Variants in NGLY1 observed in about 807,000 individuals in gnomAD.
NGLY1 encodes the protein N-glycanase 1, also known as peptide-N(4)-(N-acetyl-beta-glucosaminyl)asparagine amidase.
NGLY1 carries 68 observed loss-of-function variants against 84.6 expected under a neutral mutation model. The observed-to-expected ratio is 0.80, with a 90% CI of 0.66 to 0.98. The LOEUF is 0.98. Among genes scored for constraint, NGLY1 ranks in the 50% least tolerant of loss-of-function variants. The pLI is 0.00. For synonymous variants in NGLY1, 280 were observed against 275.2 expected (o/e 1.02, Z -0.17); for missense variants, 779 against 770.2 (o/e 1.01, Z -0.14).
chr3:25,760,441 G>T (rs1029112305), intron 3 of NGLY1, among the ~76,000 whole-genome samples: 6 of 152,150 alleles, frequency 3.9e-5, no homozygotes, highest in African/African-American at 1.4e-4. Context: ...TAAGTATGCT[G>T]ATATAAGGAC....
Position 25,751,269 on chromosome 3 carries a change from A to AC in NGLY1, c.493-7_493-6insG. The stretch of plus-strand genomic sequence containing the variant: ...ATGGCTGAGTCAGCAGCAACCTAAT[A>AC]GGAAAAAAAAAAACTGAAATTAACT... On this transcript the variant is annotated splice_region_variant and splice_polypyrimidine_tract_variant and intron_variant, in intron 3 of 11. Transcript: ENST00000280700. 1 of 1,517,566 alleles carries AC rather than the reference A, an allele frequency of 6.6e-7. No homozygotes were observed. Among genetic ancestry groups the AC allele is most frequent in the Non-Finnish European group, 8.8e-7 (1 of 1,135,680 alleles). The allele number at this position is 1,517,566 out of a possible 1,614,324, so 94.0% of individuals were successfully genotyped here. A position where few individuals can be genotyped will look rare whatever the true frequency, so the allele number is the denominator to read the frequency against.
rs372470348 is a variant in NGLY1, at chr3:25,738,755, A to G, written c.881+822T>C. Among the ~76,000 whole-genome samples the G allele has an allele frequency of 1.3e-4, 19 of 151,984 alleles. No homozygotes were observed. In the South Asian group the frequency reaches 1.7e-3, roughly 13 times the overall value. Reference sequence around the variant, plus strand: ...GCAATCCTCCTGCCTCAGCCTCCCCATATAGAGAAGAGCTAGAGGTTAAAA... The same window carrying G: ...GCAATCCTCCTGCCTCAGCCTCCCCGTATAGAGAAGAGCTAGAGGTTAAAA... On this transcript the variant is annotated intron_variant, in intron 5 of 11. Transcript: ENST00000280700.
At position 25,732,496 on chromosome 3, in the gene NGLY1, T is replaced by G; in HGVS notation, c.1261-13A>C. 3 of 1,606,610 alleles carry G rather than the reference T, an allele frequency of 1.9e-6. No individual in the cohort carries two copies. The highest frequency in any genetic ancestry group is 2.5e-6 in the Non-Finnish European group (3 of 1,176,612). On this transcript the variant is annotated splice_polypyrimidine_tract_variant and intron_variant, in intron 8 of 11. Coordinates refer to ENST00000280700, the MANE Select transcript of NGLY1 (RefSeq NM_018297.4). ...AAAACAGTTGCCTCTGTAATTCATG[T>G]TTTTTAAAAAAGTTGTTAAGATTAG...
chr3:25,750,325 G>A (rs1447203567), intron 4 of NGLY1, among the ~76,000 whole-genome samples: 1 of 152,146 alleles, frequency 6.6e-6, no homozygotes, highest in Non-Finnish European at 1.5e-5. Context: ...TGAGATTTGG[G>A]TGGGGACACA....
chr3:25,740,127 G>C (rs932262276), intron 4 of NGLY1, among the ~76,000 whole-genome samples: 1 of 152,080 alleles, frequency 6.6e-6, no homozygotes, highest in African/African-American at 2.4e-5. Flanking sequence ...AAGGGAGGTA[G>C]AAAAATAAAT....
At chr3:25,773,569 C>T (rs1224370132) in intron 2 of NGLY1, among the ~76,000 whole-genome samples, 3 of 152,034 alleles carry the variant, frequency 2.0e-5, no homozygotes, top group Non-Finnish European at 4.4e-5. Context: ...TCTCTGGTGT[C>T]TCCTTAAGTA....
chr3:25,765,778 C>A (rs1164327961), intron 2 of NGLY1, among the ~76,000 whole-genome samples: 1 of 152,098 alleles, frequency 6.6e-6, no homozygotes, highest in African/African-American at 2.4e-5. Flanking sequence ...CCTCTGTCAC[C>A]CAGGCTGGAG....
rs1427168166 is a variant in NGLY1 at position 25,783,426 on chromosome 3, C to T, written c.-36G>A. On this transcript the variant is annotated 5_prime_UTR_variant, in exon 1 of 12. Transcript: ENST00000280700. The surrounding 1 kb of genome is among the most constrained non-coding windows in gnomAD (Gnocchi z 4.5). ...CAGCGGGCGCCGCCGCCGCCCCTCG[C>T]TCTCCGCGTCCCACACTGAGCAGGC... The T allele has an allele frequency of 2.0e-6, 3 of 1,515,110 alleles. No homozygotes were observed. The highest frequency in any genetic ancestry group is 1.2e-5 in the South Asian group (1 of 81,820). The allele number at this position is 1,515,110 out of a possible 1,614,324, so 93.9% of individuals were successfully genotyped here.
chr3:25,729,228 G>A lies in NGLY1; in HGVS notation c.1516C>T (p.Arg506Ter), dbSNP rs748353137. The A allele has an allele frequency of 5.8e-6, 9 of 1,557,622 alleles. No homozygotes were observed. In the East Asian group the frequency reaches 7.1e-5, roughly 12 times the overall value. ...ATGGTTTGATTGTTATTTGAAACTC[G>A]AACATAACGATCTTTCACAATATTG... is the stretch of plus-strand genomic sequence containing the variant. ...CYNIVKDRYV[R>*]VSNNNQTISG... is the part of the protein sequence containing the mutation. The change falls in exon 10 of 12, where the codon CGA becomes TGA. Residue 506 changes from arginine to a stop codon, truncating the protein, a stop_gained. Coordinates refer to ENST00000280700, the MANE Select transcript of NGLY1 (RefSeq NM_018297.4). LOFTEE classifies it high-confidence loss of function.
intron 8 of NGLY1, among the ~76,000 whole-genome samples, chr3:25,733,589 C>T (rs982721207): frequency 1.3e-5 from 2 of 151,548 alleles, no homozygotes; most frequent in Non-Finnish European, 2.9e-5. Context: ...AATAAGACAA[C>T]ACATTTTTTG....
intron 4 of NGLY1, among the ~76,000 whole-genome samples, chr3:25,748,583 T>G (rs1002750737): frequency 2.6e-5 from 4 of 152,238 alleles, no homozygotes; most frequent in Non-Finnish European, 5.9e-5. Flanking sequence ...ATCATTCTTA[T>G]TTCTACATGA....
At chr3:25,759,917 A>C (rs9846624) in intron 3 of NGLY1, among the ~76,000 whole-genome samples, 5,467 of 41,910 alleles carry the variant, frequency 0.13, 199 homozygotes, top group Non-Finnish European at 0.26. Context: ...TAGTTAAAAA[A>C]ACACACACAC....
chr3:25,736,188 C>A, intron 6 of NGLY1, 39 bp from the exon 7 acceptor site: 1 of 1,599,608 alleles, frequency 6.3e-7, no homozygotes, highest in Non-Finnish European at 8.5e-7. Context: ...GGAAAAAAGA[C>A]AATGAAATCA....
chr3:25,722,958 A>G (rs1705081434), intron 10 of NGLY1, among the ~76,000 whole-genome samples: 1 of 152,216 alleles, frequency 6.6e-6, no homozygotes, highest in Admixed American at 6.5e-5. Context: ...AAAAGAACTA[A>G]AAGACTTAAG....
intron 6 of NGLY1, 88 bp downstream of exon 6, chr3:25,737,246 G>C (rs1025971228): frequency 1.2e-4 from 138 of 1,173,662 alleles, no homozygotes; most frequent in Non-Finnish European, 1.3e-4. Flanking sequence ...AGGCCAAAAA[G>C]TAACAGAGAA....
intron 10 of NGLY1, among the ~76,000 whole-genome samples, chr3:25,723,307 A>G (rs1252708424): frequency 6.6e-6 from 1 of 152,228 alleles, no homozygotes; most frequent in Non-Finnish European, 1.5e-5. Context: ...AAAGTTAAAG[A>G]ATAAGATAGA....
chr3:25,746,839 T>C (rs1706459828), intron 4 of NGLY1, among the ~76,000 whole-genome samples: 1 of 152,248 alleles, frequency 6.6e-6, no homozygotes, highest in African/African-American at 2.4e-5. Context: ...GTTTTATTTT[T>C]TATTTTTTGA....
At chr3:25,720,302 ATT>A (rs1301150047) in intron 10 of NGLY1, 111 bp from the exon 11 acceptor site, 1 of 799,464 alleles carries the variant, frequency 1.3e-6, no homozygotes, top group African/African-American at 1.8e-5. Flanking sequence ...ACAAGTGGTT[ATT>A]TAAAAACTAA....
rs1489035175 is a variant in NGLY1 at position 25,728,022 on chromosome 3, A to T, written c.1611+1111T>A. 2.0e-5 allele frequency among the ~76,000 whole-genome samples: 3 copies of T among 152,164 alleles called. No individual in the cohort carries two copies. The East Asian group carries it at 5.8e-4, about 29-fold the overall frequency. Reference sequence around the variant, plus strand: ...CTAATTACAGGTATCTCGAAATTTTAAATTTTATCTCTATTTTTATGCATT... The same window carrying T: ...CTAATTACAGGTATCTCGAAATTTTTAATTTTATCTCTATTTTTATGCATT... On this transcript the variant is annotated intron_variant, in intron 10 of 11. Transcript: ENST00000280700.
Sources: allele counts gnomAD v4.1 joint callset (sites outside exome capture counted in the v4.1 genomes callset), GRCh38; gene constraint gnomAD v4.1.1; non-coding constraint Gnocchi (gnomAD v3.1); transcripts MANE v1.5; gene names NCBI Gene and HGNC (gene_info 2026-07-23, HGNC 2026-07-21).